PDE7B: variants seen among roughly 807,000 people sequenced by gnomAD.
PDE7B encodes the protein 3',5'-cyclic-AMP phosphodiesterase 7B.
Under a neutral mutation model 56.2 loss-of-function variants are expected in PDE7B, and 29 were observed. The observed-to-expected ratio is 0.52, with a 90% confidence interval of 0.38 to 0.70. PDE7B has a LOEUF of 0.70. Ranked by LOEUF, PDE7B falls within the 30% of genes least tolerant of loss-of-function variation. PDE7B has a pLI of 0.00. For synonymous variants in PDE7B, 197 were observed against 196.9 expected, an observed-to-expected ratio of 1.00 and a Z score of 0.00; for missense variants, 490 against 565.0, an observed-to-expected ratio of 0.87 and a Z score of 1.35.
chr6:135,887,368 C>T (rs2128189657), intron 1 of PDE7B, among the ~76,000 whole-genome samples: 1 of 152,228 alleles, frequency 6.6e-6, no homozygotes. Context: ...GTCTTGCTTT[C>T]AGTACTTTAT....
intron 2 of PDE7B, among the ~76,000 whole-genome samples, chr6:135,990,348 A>C (rs935216785): frequency 2.6e-5 from 4 of 152,136 alleles, no homozygotes; most frequent in African/African-American, 9.7e-5. Flanking sequence ...TGCCTGCCTC[A>C]TTCCCCCAAA....
intron 2 of PDE7B, among the ~76,000 whole-genome samples, chr6:136,107,565 C>A (rs1777666765): frequency 6.6e-6 from 1 of 152,184 alleles, no homozygotes; most frequent in Non-Finnish European, 1.5e-5. Context: ...AGGAAGCAAA[C>A]CAGCATTTAT....
intron 2 of PDE7B, among the ~76,000 whole-genome samples, chr6:136,073,275 G>T (rs1777079087): frequency 6.6e-6 from 1 of 152,144 alleles, no homozygotes; most frequent in African/African-American, 2.4e-5. Context: ...TGGGGTAACA[G>T]ATCTGAAAGA....
chr6:136,139,745 T>A (rs1156547049), intron 3 of PDE7B, among the ~76,000 whole-genome samples: 1 of 152,234 alleles, frequency 6.6e-6, no homozygotes, highest in Non-Finnish European at 1.5e-5. Context: ...TTTTCACGTG[T>A]CTTTTGGCTG....
intron 2 of PDE7B, among the ~76,000 whole-genome samples, chr6:136,006,687 G>A (rs1391836495): frequency 6.6e-6 from 1 of 152,044 alleles, no homozygotes; most frequent in Non-Finnish European, 1.5e-5. Context: ...GAATGGGATT[G>A]CCTTCCTAAT....
At chr6:136,105,427 G>A (rs903866879) in intron 2 of PDE7B, among the ~76,000 whole-genome samples, 1 of 152,162 alleles carries the variant, frequency 6.6e-6, no homozygotes, top group Non-Finnish European at 1.5e-5. Context: ...CTAGCTCTAT[G>A]AGTCTGAACA....
At chr6:136,142,972 T>G (rs1463929005) in intron 3 of PDE7B, among the ~76,000 whole-genome samples, 1 of 152,154 alleles carries the variant, frequency 6.6e-6, no homozygotes, top group Non-Finnish European at 1.5e-5. Flanking sequence ...TATTGTTATG[T>G]GTGAATTTGA....
intron 1 of PDE7B, among the ~76,000 whole-genome samples, chr6:135,889,790 C>A (rs1775777877): frequency 8.4e-6 from 1 of 119,612 alleles, no homozygotes; most frequent in East Asian, 2.6e-4. Flanking sequence ...GAGTCTCACT[C>A]TGTCACCCGG....
intron 3 of PDE7B, among the ~76,000 whole-genome samples, chr6:136,113,558 T>G (rs1323154082): frequency 6.6e-6 from 1 of 152,200 alleles, no homozygotes; most frequent in Non-Finnish European, 1.5e-5. Context: ...TCTTTACACC[T>G]AAGCATAGAG....
chr6:136,064,337 A>G (rs1393623816), intron 2 of PDE7B: 1 of 152,222 alleles, frequency 6.6e-6, no homozygotes, highest in Non-Finnish European at 1.5e-5. Context: ...AGGCAAAAAT[A>G]AAAACTTCAG....
At chr6:136,053,830 T>C (rs1450936189) in intron 2 of PDE7B, among the ~76,000 whole-genome samples, 1 of 152,178 alleles carries the variant, frequency 6.6e-6, no homozygotes, top group African/African-American at 2.4e-5. Flanking sequence ...CATTTTTTCA[T>C]GTGTTTTTTG....
chr6:136,075,311 T>G (rs1374515953), intron 2 of PDE7B, among the ~76,000 whole-genome samples: 4 of 152,190 alleles, frequency 2.6e-5, no homozygotes, highest in African/African-American at 9.7e-5. Context: ...TGTACTAAGA[T>G]TTCAAAGTGC....
chr6:135,982,939 A>G (rs186525879), intron 2 of PDE7B, among the ~76,000 whole-genome samples: 18 of 152,318 alleles, frequency 1.2e-4, no homozygotes, highest in African/African-American at 4.1e-4. Flanking sequence ...CACCAACCTC[A>G]GAAGAACTCC....
chr6:135,909,851 A>C (rs965576170), intron 1 of PDE7B, among the ~76,000 whole-genome samples: 13 of 152,170 alleles, frequency 8.5e-5, no homozygotes, highest in Non-Finnish European at 1.8e-4. Flanking sequence ...TTGCAAGGTC[A>C]GCAGCCGTAG....
chr6:136,104,234 G>A lies in PDE7B; in HGVS notation c.83-4497G>A, dbSNP rs182897518. On this transcript the variant is annotated intron_variant, in intron 2 of 12. Transcript: ENST00000308191. Reference sequence around the variant, plus strand: ...ATGCCCCTGCTGTTTGTTTCCTTTTGGAACACAATAAGAACAGACTGGGGA... The same window carrying A: ...ATGCCCCTGCTGTTTGTTTCCTTTTAGAACACAATAAGAACAGACTGGGGA... Among the ~76,000 whole-genome samples, 14 of 152,196 alleles carry A rather than the reference G, an allele frequency of 9.2e-5. No individual in the cohort carries two copies. The East Asian group carries it at 2.7e-3, about 29-fold the overall frequency.
At chr6:136,111,516 C>G (rs1194062829) in intron 3 of PDE7B, among the ~76,000 whole-genome samples, 1 of 152,166 alleles carries the variant, frequency 6.6e-6, no homozygotes, top group Non-Finnish European at 1.5e-5. Flanking sequence ...TCCACGGTTC[C>G]TAACTTAGTT....
chr6:136,178,303 A>G (rs1488917674), intron 9 of PDE7B, among the ~76,000 whole-genome samples: 1 of 152,182 alleles, frequency 6.6e-6, no homozygotes, highest in Non-Finnish European at 1.5e-5. Flanking sequence ...TATGCATTCT[A>G]CTTAAATATA....
chr6:136,057,253 G>A (rs1199223973), intron 2 of PDE7B, among the ~76,000 whole-genome samples: 1 of 152,182 alleles, frequency 6.6e-6, no homozygotes, highest in Admixed American at 6.5e-5. Context: ...AGATCAGGAA[G>A]CACTAACTCA....
chr6:135,885,946 A>G (rs1775701682), intron 1 of PDE7B, among the ~76,000 whole-genome samples: 1 of 152,178 alleles, frequency 6.6e-6, no homozygotes, highest in Non-Finnish European at 1.5e-5. Context: ...GTAAAAACTT[A>G]GTCTATAATA....
Sources: allele counts gnomAD v4.1 joint callset (sites outside exome capture counted in the v4.1 genomes callset), GRCh38; gene constraint gnomAD v4.1.1; transcripts MANE v1.5; gene names NCBI Gene and HGNC (gene_info 2026-07-23, HGNC 2026-07-21).